Variants in ST18 observed in about 807,000 individuals in gnomAD.
The protein encoded by ST18 is ST18 C2H2C-type zinc finger transcription factor.
ST18 carries 50 observed loss-of-function variants against 110.0 expected under a neutral mutation model. The observed-to-expected ratio is 0.45, with a 90% CI of 0.36 to 0.58. The LOEUF (loss-of-function observed/expected upper bound fraction) is 0.58, where lower values mean the gene tolerates loss of function less well. Ranked by LOEUF, ST18 falls within the 20% of genes least tolerant of loss-of-function variation. The pLI is 0.00. For missense variants in ST18, 1,306 were observed against 1,280.1 expected (o/e 1.02, Z -0.31); for synonymous variants, 461 against 452.4 (o/e 1.02, Z -0.24).
At chr8:52,196,230 C>G (rs1297715739) in intron 8 of ST18, among the ~76,000 whole-genome samples, 1 of 152,170 alleles carries the variant, frequency 6.6e-6, no homozygotes, top group African/African-American at 2.4e-5. Flanking sequence ...AAGGTTGCTC[C>G]TGGGTCAGTG....
In ST18 at chr8:52,113,138, A is replaced by G; in HGVS notation, c.*60T>C. The G allele has an allele frequency of 2.5e-6, 4 of 1,601,244 alleles. No individual in the cohort carries two copies. The highest frequency in any genetic ancestry group is 3.4e-6 in the Non-Finnish European group (4 of 1,174,354). On this transcript the variant is annotated 3_prime_UTR_variant, in exon 26 of 26. Transcript: ENST00000689386. ...CGCCTTAGCAGTACATGAACCTCTA[A>G]CAGATCCATCTGGAGTTTACTGCTG...
chr8:52,172,641 T>C, intron 9 of ST18, 58 bp from the exon 10 acceptor site: 1 of 1,380,482 alleles, frequency 7.2e-7, no homozygotes, highest in Non-Finnish European at 9.7e-7. Flanking sequence ...TTTAGGAAAA[T>C]TGCAACAAGT....
At chr8:52,367,985 T>C (rs1245360235) in intron 2 of ST18, among the ~76,000 whole-genome samples, 1 of 152,214 alleles carries the variant, frequency 6.6e-6, no homozygotes, top group Non-Finnish European at 1.5e-5. Context: ...TGCAGGATTA[T>C]AACATCATTT....
intron 2 of ST18, among the ~76,000 whole-genome samples, chr8:52,235,281 C>T (rs1387763623): frequency 1.3e-5 from 2 of 152,156 alleles, no homozygotes; most frequent in South Asian, 2.1e-4. Context: ...TCCTGCCCCA[C>T]ACCTGGTCTC....
At chr8:52,130,119 A>AAAAGGAAG (rs2048786497) in intron 22 of ST18, among the ~76,000 whole-genome samples, 2 of 105,242 alleles carry the variant, frequency 1.9e-5, no homozygotes, top group East Asian at 5.6e-4. Context: ...AGAAAGAAAG[A>AAAAGGAAG]AAAGAAAGAA....
intron 2 of ST18, among the ~76,000 whole-genome samples, chr8:52,234,030 C>T (rs1029123346): frequency 5.9e-5 from 9 of 152,204 alleles, no homozygotes; most frequent in Non-Finnish European, 1.3e-4. Flanking sequence ...AACCACCATT[C>T]TGTTCTGACT....
intron 2 of ST18, among the ~76,000 whole-genome samples, chr8:52,261,756 A>T (rs1269497131): frequency 6.6e-6 from 1 of 152,184 alleles, no homozygotes; most frequent in African/African-American, 2.4e-5. Context: ...CCAACATTTC[A>T]TCCTCCATTA....
At position 52,161,534 on chromosome 8, in the gene ST18, G is replaced by A. The variant is rs2061457837; in HGVS notation, c.1435C>T (p.Pro479Ser). 1 of 1,614,016 alleles carries A rather than the reference G, an allele frequency of 6.2e-7. No homozygotes were observed. Among genetic ancestry groups the A allele is most frequent in the Non-Finnish European group, 8.5e-7 (1 of 1,180,030 alleles). ...SLVKQIEFNFPSQAITSPRAT... is the reference protein window; with the variant it reads ...SLVKQIEFNFSSQAITSPRAT... ...CTGGGAGAGGTGATGGCTTGTGACG[G>A]GAAATTGAATTCAATTTGCTTCACC... is the stretch of plus-strand genomic sequence containing the variant. The change falls in exon 14 of 26, where the codon CCG becomes TCG. Residue 479 changes from proline to serine, a missense_variant. Transcript: ENST00000689386.
At chr8:52,309,520 C>CAAAGA (rs2095868193) in intron 2 of ST18, among the ~76,000 whole-genome samples, 1 of 37,768 alleles carries the variant, frequency 2.6e-5, no homozygotes, top group African/African-American at 9.6e-5. Context: ...GACTCCATCT[C>CAAAGA]AAAAAAAAAA....
At chr8:52,288,789 C>A (rs1205253593) in intron 2 of ST18, among the ~76,000 whole-genome samples, 1 of 151,842 alleles carries the variant, frequency 6.6e-6, no homozygotes, top group Non-Finnish European at 1.5e-5. Flanking sequence ...TATTGACCCA[C>A]AAACATCAAA....
At chr8:52,338,141 C>T (rs1045832033) in intron 2 of ST18, among the ~76,000 whole-genome samples, 6 of 152,186 alleles carry the variant, frequency 3.9e-5, no homozygotes, top group Non-Finnish European at 7.3e-5. Flanking sequence ...TCACTGCAAC[C>T]TCCAACTCCT....
chr8:52,318,189 A>G (rs1009065455), intron 2 of ST18, among the ~76,000 whole-genome samples: 1 of 152,140 alleles, frequency 6.6e-6, no homozygotes, highest in African/African-American at 2.4e-5. Flanking sequence ...GAAAAAACAA[A>G]AACAAACTTA....
intron 2 of ST18, among the ~76,000 whole-genome samples, chr8:52,264,054 C>T (rs2094790040): frequency 6.6e-6 from 1 of 152,172 alleles, no homozygotes; most frequent in South Asian, 2.1e-4. Flanking sequence ...CCGCCTTGGC[C>T]TCCCAAAGTT....
chr8:52,136,569 G>C (rs773110461), intron 19 of ST18, 21 bp downstream of exon 19: 3 of 1,603,212 alleles, frequency 1.9e-6, no homozygotes, highest in Admixed American at 3.4e-5. Flanking sequence ...AGGGCAAGCC[G>C]GCCACGCTTC....
rs948346451 is a variant in ST18 at position 52,409,445 on chromosome 8, A to G, written c.-582T>C. 3.9e-5 allele frequency: 6 copies of G among 152,182 alleles called. No individual in the cohort carries two copies. The highest frequency in any genetic ancestry group is 6.5e-5 in the Admixed American group (1 of 15,284). 9.4% of individuals were successfully genotyped at this position (152,182 alleles called of 1,614,324 possible). On this transcript the variant is annotated 5_prime_UTR_variant, in exon 2 of 26. Transcript: ENST00000689386. The stretch of plus-strand genomic sequence containing the variant: ...CCACGCTGCCCCATTCAGAAATTTT[A>G]TTATTTTCTAAAGAAGAAAAAAAAT...
intron 2 of ST18, among the ~76,000 whole-genome samples, chr8:52,275,226 C>T (rs182764437): frequency 1.3e-5 from 2 of 152,078 alleles, no homozygotes; most frequent in East Asian, 3.9e-4. Context: ...CTATTGAACC[C>T]AGAAATAGGG....
At position 52,214,116 on chromosome 8, in the gene ST18, T is replaced by G; in HGVS notation, c.55+87A>C. Reference sequence around the variant, plus strand: ...AGCCCTGAGGAAGTTGTAATCATTCTGACTGCACACGAGGGACTGAGCACT... The same window carrying G: ...AGCCCTGAGGAAGTTGTAATCATTCGGACTGCACACGAGGGACTGAGCACT... On this transcript the variant is annotated intron_variant, in intron 7 of 25. Coordinates refer to ENST00000689386, the MANE Select transcript of ST18 (RefSeq NM_001352837.2). 5 of 1,396,266 alleles carry G rather than the reference T, an allele frequency of 3.6e-6. No homozygotes were observed. In the South Asian group the frequency reaches 4.9e-5, roughly 14 times the overall value. The allele number at this position is 1,396,266 out of a possible 1,614,324, so 86.5% of individuals were successfully genotyped here. A position where few individuals can be genotyped will look rare whatever the true frequency, so the allele number is the denominator to read the frequency against.
chr8:52,276,526 GA>G (rs2095268517), intron 2 of ST18, among the ~76,000 whole-genome samples: 1 of 152,012 alleles, frequency 6.6e-6, no homozygotes, highest in African/African-American at 2.4e-5. Context: ...GACATTCCAG[GA>G]GCCTATGTTG....
At chr8:52,346,510 CAATA>C (rs1241356498) in intron 2 of ST18, among the ~76,000 whole-genome samples, 1 of 152,016 alleles carries the variant, frequency 6.6e-6, no homozygotes, top group South Asian at 2.1e-4. Flanking sequence ...GTGGGCAGCT[CAATA>C]AATAAACAAT....
Sources: allele counts gnomAD v4.1 joint callset (sites outside exome capture counted in the v4.1 genomes callset), GRCh38; gene constraint gnomAD v4.1.1; transcripts MANE v1.5; gene names NCBI Gene and HGNC (gene_info 2026-07-23, HGNC 2026-07-21).